GFM2: variants seen among roughly 807,000 people sequenced by gnomAD.
GFM2 encodes the protein ribosome-releasing factor 2, mitochondrial.
Under a neutral mutation model 95.4 loss-of-function variants are expected in GFM2, and 72 were observed. The observed-to-expected ratio is 0.76, with a 90% CI of 0.62 to 0.92. The LOEUF is 0.92. Among genes scored for constraint, GFM2 ranks in the 40% least tolerant of loss-of-function variants. GFM2 has a pLI of 0.00. For missense variants in GFM2, 825 were observed against 924.1 expected, an observed-to-expected ratio of 0.89 and a Z score of 1.39; for synonymous variants, 276 against 317.5, an observed-to-expected ratio of 0.87 and a Z score of 1.39.
chr5:74,733,335 GAAA>G, intron 15 of GFM2: 5 of 194,050 alleles, frequency 2.6e-5, no homozygotes, highest in Non-Finnish European at 3.0e-5. Context: ...TACAAAAAAA[GAAA>G]AAAAAAAAAA....
chr5:74,727,037 G>A (rs1216835983), intron 17 of GFM2, among the ~76,000 whole-genome samples: 1 of 152,068 alleles, frequency 6.6e-6, no homozygotes, highest in African/African-American at 2.4e-5. Context: ...GTATGGTAGT[G>A]CACACCTGTA....
chr5:74,751,322 A>T, intron 6 of GFM2, 46 bp downstream of exon 6: 5 of 1,553,616 alleles, frequency 3.2e-6, no homozygotes, highest in Non-Finnish European at 4.3e-6. Flanking sequence ...AAACAAAAAA[A>T]CTCCAAATGA....
intron 7 of GFM2, among the ~76,000 whole-genome samples, chr5:74,748,225 G>T (rs778069674): frequency 6.6e-6 from 1 of 152,024 alleles, no homozygotes; most frequent in Non-Finnish European, 1.5e-5. Flanking sequence ...CTTATTTTGA[G>T]GTAAAAGAAA....
Position 74,736,819 on chromosome 5 carries a change from G to T in GFM2, c.1487C>A (p.Pro496His). ...ACCTGGCTGCTTAGACAGTGATGGG[G>T]GTTCTATGGTACAGAAGAAAACAGG... ...PEPVFFCTIE[P>H]PSLSKQPDLE... The change falls in exon 15 of 21, where the codon CCC becomes CAC. Residue 496 changes from proline (P) to histidine (H), a missense_variant. Pro to His is a moderately conservative substitution (Grantham distance 77). Transcript: ENST00000296805. The T allele has an allele frequency of 6.2e-7, 1 of 1,613,926 alleles. No homozygotes were observed. The highest frequency in any genetic ancestry group is 1.3e-5 in the African/African-American group (1 of 75,032).
At chr5:74,758,977 T>G in intron 4 of GFM2, 31 bp from the exon 5 acceptor site, 2 of 1,443,468 alleles carry the variant, frequency 1.4e-6, no homozygotes, top group East Asian at 4.5e-5. Context: ...AGGTAAACTT[T>G]ACTAAAATTG....
At chr5:74,728,348 C>CA (rs1750242655) in intron 17 of GFM2, among the ~76,000 whole-genome samples, 3 of 150,144 alleles carry the variant, frequency 2.0e-5, no homozygotes, top group South Asian at 4.3e-4. Context: ...CCAAGAAAAT[C>CA]GTAAGAGAAA....
intron 8 of GFM2, among the ~76,000 whole-genome samples, chr5:74,746,661 T>C (rs929334955): frequency 1.3e-5 from 2 of 152,172 alleles, no homozygotes. Context: ...TGGCTACCTA[T>C]AGAACACATG....
intron 2 of GFM2, among the ~76,000 whole-genome samples, chr5:74,763,266 T>C (rs10515193): frequency 0.11 from 16,241 of 152,260 alleles, 935 homozygotes; most frequent in East Asian, 0.14. Flanking sequence ...TCAACCATTG[T>C]ATAATTATGT....
At position 74,721,799 on chromosome 5, in the gene GFM2, TAA is replaced by T; in HGVS notation, c.2212-18_2212-17del. Reference sequence around the variant, plus strand: ...TTGAATAACCCTAATCAAAATAATTTAAGTCATTTATATTATCAAATTTAAGC... The same window carrying T: ...TTGAATAACCCTAATCAAAATAATTTGTCATTTATATTATCAAATTTAAGC... On this transcript the variant is annotated splice_polypyrimidine_tract_variant and intron_variant, in intron 20 of 20. Transcript: ENST00000296805. 1 of 1,594,766 alleles carries T rather than the reference TAA, an allele frequency of 6.3e-7. No individual in the cohort carries two copies. The highest frequency in any genetic ancestry group is 8.5e-7 in the Non-Finnish European group (1 of 1,173,918).
chr5:74,757,488 T>C (rs1744047727), intron 5 of GFM2, among the ~76,000 whole-genome samples: 1 of 152,088 alleles, frequency 6.6e-6, no homozygotes, highest in Non-Finnish European at 1.5e-5. Context: ...TGGAATATTA[T>C]TCAGCCTTAT....
At position 74,730,386 on chromosome 5, in the gene GFM2, C is replaced by T; in HGVS notation, c.1600G>A (p.Gly534Ser). The T allele has an allele frequency of 1.3e-6, 2 of 1,596,104 alleles. No homozygotes were observed. The highest frequency in any genetic ancestry group is 1.7e-6 in the Non-Finnish European group (2 of 1,172,464). Reference sequence around the variant, plus strand: ...ATCTCTATATGTAACTCCCCCATACCACACAGAACAGTCTGGTTACCAGAG... The same window carrying T: ...ATCTCTATATGTAACTCCCCCATACTACACAGAACAGTCTGGTTACCAGAG... ...DPDSGQTVLC[G>S]MGELHIEIIH... Residue 534 changes from glycine to serine, a missense_variant, in exon 17 of 21, where the codon GGT (glycine) becomes AGT (serine). Physicochemically the swap from Gly to Ser is moderately conservative, Grantham distance 56 (BLOSUM62 0). Coordinates refer to ENST00000296805, the MANE Select transcript of GFM2 (RefSeq NM_032380.5).
At chr5:74,757,612 C>CCAGCTACT (rs1744056677) in intron 5 of GFM2, among the ~76,000 whole-genome samples, 1 of 151,654 alleles carries the variant, frequency 6.6e-6, no homozygotes, top group African/African-American at 2.4e-5. Context: ...GCCTGTAGTC[C>CCAGCTACT]CAGCTACTCA....
At chr5:74,760,767 T>C (rs2112364477) in intron 3 of GFM2, 135 bp downstream of exon 3, 1 of 663,146 alleles carries the variant, frequency 1.5e-6, no homozygotes, top group Non-Finnish European at 2.7e-6. Context: ...CTCCCGCCCC[T>C]AATAATCTCA....
chr5:74,764,195 A>G (rs1345015584), intron 1 of GFM2, among the ~76,000 whole-genome samples: 1 of 152,254 alleles, frequency 6.6e-6, no homozygotes, highest in East Asian at 1.9e-4. Context: ...TTCCTACCAT[A>G]CCATGTAAAA....
At position 74,721,774 on chromosome 5, in the gene GFM2, T is replaced by C. The variant is rs773006254; in HGVS notation, c.2221A>G (p.Thr741Ala). The change falls in exon 21 of 21, where the codon ACT becomes GCT. Residue 741 changes from threonine (T) to alanine (A), a missense_variant. By Grantham distance (58) the Thr-to-Ala change is moderately conservative. Coordinates refer to ENST00000296805, the MANE Select transcript of GFM2 (RefSeq NM_032380.5). ...VPLAEIMGYS[T>A]VLRTLTSGSA... Reference sequence around the variant, plus strand: ...CCTGATGTTAGCGTTCGAAGCACAGTTGAATAACCCTAATCAAAATAATTT... The same window carrying C: ...CCTGATGTTAGCGTTCGAAGCACAGCTGAATAACCCTAATCAAAATAATTT... 5.6e-6 allele frequency: 9 copies of C among 1,611,540 alleles called. No homozygotes were observed. Among genetic ancestry groups the C allele is most frequent in the South Asian group, 1.1e-5 (1 of 90,302 alleles).
At chr5:74,730,534 G>A in intron 16 of GFM2, 136 bp from the exon 17 acceptor site, 1 of 538,920 alleles carries the variant, frequency 1.9e-6, no homozygotes, top group Non-Finnish European at 2.9e-6. Context: ...TTGGCCCGGG[G>A]CTTTTACATC....
intron 1 of GFM2, among the ~76,000 whole-genome samples, chr5:74,764,787 T>G (rs1403565130): frequency 2.2e-5 from 3 of 139,238 alleles, no homozygotes; most frequent in African/African-American, 8.4e-5. Context: ...TGTTTTTTTT[T>G]TTTTTTTTTT....
At chr5:74,763,603 T>G (rs2112377001) in intron 2 of GFM2, 77 bp downstream of exon 2, 72 of 747,056 alleles carry the variant, frequency 9.6e-5, no homozygotes, top group Non-Finnish European at 1.5e-4. Flanking sequence ...CAACAGCTGA[T>G]GAGATATACT....
At chr5:74,726,278 AT>A in intron 17 of GFM2, 152 bp from the exon 18 acceptor site, 1 of 560,870 alleles carries the variant, frequency 1.8e-6, no homozygotes, top group Non-Finnish European at 3.1e-6. Context: ...CAGTATAAAA[AT>A]CAGAGTAAAG....
Sources: gnomAD v4.1 joint callset for allele counts (sites outside exome capture counted in the v4.1 genomes callset) on GRCh38, gnomAD v4.1.1 for gene constraint, MANE v1.5 for transcripts, NCBI Gene and HGNC (gene_info 2026-07-23, HGNC 2026-07-21) for gene names.